The following GIMAP4 variants were observed in gnomAD, a reference collection of about 807,000 sequenced individuals.
The protein encoded by GIMAP4 is GTPase, IMAP family member 4, also known as GTPase IMAP family member 4.
In GIMAP4, 12 loss-of-function variants were observed where a neutral mutation model predicts 10.8. The observed-to-expected ratio is 1.11, with a 90% confidence interval of 0.71 to 1.81. GIMAP4 has a LOEUF of 1.81. GIMAP4 is among the 40% of genes most tolerant of loss of function. The pLI is 0.00. For missense variants in GIMAP4, 412 were observed against 404.6 expected (o/e 1.02, Z -0.16); for synonymous variants, 149 against 147.2 (o/e 1.01, Z -0.09).
intron 2 of GIMAP4, among the ~76,000 whole-genome samples, chr7:150,570,717 C>T (rs1418784088): frequency 6.6e-6 from 1 of 152,088 alleles, no homozygotes; most frequent in African/African-American, 2.4e-5. Flanking sequence ...AGTTAGCAAG[C>T]TCTCAGACAG....
In GIMAP4 at chr7:150,573,152, T is replaced by C; in HGVS notation, c.*92T>C. ...TAGCATAGTCGAGTGCTCTAGTTTC[T>C]GTCTCTCAGGCACTCGTAACTAAGG... On this transcript the variant is annotated 3_prime_UTR_variant, in exon 3 of 3. Transcript: ENST00000255945. The C allele has an allele frequency of 1.3e-6, 1 of 795,008 alleles. No homozygotes were observed. Among genetic ancestry groups the C allele is most frequent in the Non-Finnish European group, 2.0e-6 (1 of 491,028 alleles). 49.2% of individuals were successfully genotyped at this position (795,008 alleles called of 1,614,324 possible). A position where few individuals can be genotyped will look rare whatever the true frequency, so the allele number is the denominator to read the frequency against.
At chr7:150,570,291 C>A (rs1795714311) in intron 2 of GIMAP4, among the ~76,000 whole-genome samples, 1 of 152,058 alleles carries the variant, frequency 6.6e-6, no homozygotes, top group Admixed American at 6.6e-5. Context: ...CTGGTTGTAG[C>A]CTATCTGATT....
In GIMAP4 at chr7:150,569,820, C is replaced by T. The variant is rs1195728927; in HGVS notation, c.-14-68C>T. The T allele has an allele frequency of 5.2e-6, 4 of 767,164 alleles. No homozygotes were observed. The African/African-American group carries it at 6.8e-5, about 13-fold the overall frequency. 47.5% of individuals were successfully genotyped at this position (767,164 alleles called of 1,614,324 possible). On this transcript the variant is annotated intron_variant, in intron 1 of 2. Coordinates refer to ENST00000255945, the MANE Select transcript of GIMAP4 (RefSeq NM_018326.3). ...GCAAAAAGAAAGTTGTTGTTGACTA[C>T]AGGCAGTCAGGGATTCTAGTTGCTT... is the stretch of plus-strand genomic sequence containing the variant.
chr7:150,569,345 T>C (rs754719587), intron 1 of GIMAP4, among the ~76,000 whole-genome samples: 20 of 152,048 alleles, frequency 1.3e-4, no homozygotes, highest in Non-Finnish European at 2.9e-4. Flanking sequence ...GGTGATGGGC[T>C]GATGAGAGAG....
At position 150,572,263 on chromosome 7, in the gene GIMAP4, A is replaced by G. The variant is rs768233490; in HGVS notation, c.193A>G (p.Ile65Val). 2.7e-5 allele frequency: 44 copies of G among 1,614,070 alleles called. No individual in the cohort carries two copies. Among genetic ancestry groups the G allele is most frequent in the Non-Finnish European group, 3.6e-5 (43 of 1,180,028 alleles). ...VFHSGTAAKS[I>V]TKKCEKRSSS... ...TCATTCTGGCACTGCAGCAAAATCCATTACCAAGAAGTGTGAGAAACGCAG... is the reference window on the plus strand; with the variant it reads ...TCATTCTGGCACTGCAGCAAAATCCGTTACCAAGAAGTGTGAGAAACGCAG... The change falls in exon 3 of 3, where the codon ATT becomes GTT. Residue 65 changes from isoleucine to valine, a missense_variant. Physicochemically the swap from Ile to Val is conservative, Grantham distance 29 (BLOSUM62 3). Transcript: ENST00000255945.
In GIMAP4 at chr7:150,572,970, A is replaced by G. The variant is rs1795754712; in HGVS notation, c.900A>G (p.Glu300=). 6.2e-7 allele frequency: 1 copy of G among 1,613,492 alleles called. No individual in the cohort carries two copies. Among genetic ancestry groups the G allele is most frequent in the Non-Finnish European group, 8.5e-7 (1 of 1,179,462 alleles). The stretch of plus-strand genomic sequence containing the variant: ...TAAGGCAGCAAAGGGCAAGAACGGA[A>G]GTGGAGAGTAAGGATGGGATACTTG... The part of the protein sequence containing the change: ...YAVRQQRART[E]VESKDGILEL... Residue 300 remains glutamate (E), a synonymous_variant, in exon 3 of 3, where the codon GAA becomes GAG. Transcript: ENST00000255945.
intron 2 of GIMAP4, 74 bp from the exon 3 acceptor site, chr7:150,572,055 G>T: frequency 1.1e-6 from 1 of 929,430 alleles, no homozygotes; most frequent in African/African-American, 1.6e-5. Context: ...GGCACTGGGG[G>T]TGAGGACTCT....
rs1300064732 is a variant in GIMAP4, at chr7:150,572,908, G to A, written c.838G>A (p.Glu280Lys). 4.3e-6 allele frequency: 7 copies of A among 1,613,974 alleles called. No individual in the cohort carries two copies. The highest frequency in any genetic ancestry group is 5.9e-6 in the Non-Finnish European group (7 of 1,180,006). Residue 280 changes from glutamate to lysine, a missense_variant, in exon 3 of 3, where the codon GAG (glutamate) becomes AAG (lysine). Coordinates refer to ENST00000255945, the MANE Select transcript of GIMAP4 (RefSeq NM_018326.3). ...GCAGGAAAAGAGAAAGAAGCAAATG[G>A]AGAAGAAACTAGCAGAACAGGAGGC... ...VEQEKRKKQM[E>K]KKLAEQEAHY... is the part of the protein sequence containing the mutation.
At chr7:150,572,096 C>A in intron 2 of GIMAP4, 33 bp from the exon 3 acceptor site, 2 of 1,422,514 alleles carry the variant, frequency 1.4e-6, no homozygotes, top group Non-Finnish European at 1.9e-6. Context: ...TAGATTCTAA[C>A]AGCATGGCTT....
rs758739554 is a variant in GIMAP4, at chr7:150,572,313, TGTC to T, written c.246_248del (p.Val84del). 91 of 1,613,972 alleles carry T rather than the reference TGTC, an allele frequency of 5.6e-5. No homozygotes were observed. The highest frequency in any genetic ancestry group is 7.5e-5 in the Non-Finnish European group (89 of 1,179,984). On this transcript the variant is annotated inframe_deletion, in exon 3 of 3. Coordinates refer to ENST00000255945, the MANE Select transcript of GIMAP4 (RefSeq NM_018326.3). ...GCAGCTCATGGAAGGAAACAGAACT[TGTC>T]GTAGTTGACACACCAGGCATTTTCG... is the stretch of plus-strand genomic sequence containing the variant.
intron 1 of GIMAP4, among the ~76,000 whole-genome samples, chr7:150,569,153 G>GA (rs1795698505): frequency 6.6e-6 from 1 of 152,062 alleles, no homozygotes; most frequent in South Asian, 2.1e-4. Context: ...ATTTAAACAA[G>GA]AAAAAATATC....
intron 1 of GIMAP4, among the ~76,000 whole-genome samples, chr7:150,568,770 T>C (rs954745394): frequency 5.9e-5 from 9 of 152,180 alleles, no homozygotes; most frequent in African/African-American, 1.9e-4. Flanking sequence ...AAGCTTGTAG[T>C]ATAAGAGGAG....
chr7:150,569,928 C>A lies in GIMAP4; in HGVS notation c.27C>A (p.Ser9Arg). 1 of 1,597,866 alleles carries A rather than the reference C, an allele frequency of 6.3e-7. No individual in the cohort carries two copies. The highest frequency in any genetic ancestry group is 8.6e-7 in the Non-Finnish European group (1 of 1,166,640). The change falls in exon 2 of 3, where the codon AGC becomes AGA. Residue 9 changes from serine to arginine, a missense_variant. Coordinates refer to ENST00000255945, the MANE Select transcript of GIMAP4 (RefSeq NM_018326.3). ...TGGCAGCCCAATACGGCAGTATGAG[C>A]TTCAACCCCAGCACACCAGGGGCCA... MAAQYGSM[S>R]FNPSTPGASY...
rs1340007624 is a variant in GIMAP4, at chr7:150,572,836, A to G, written c.766A>G (p.Arg256Gly). The G allele has an allele frequency of 5.0e-6, 8 of 1,613,908 alleles. No individual in the cohort carries two copies. In the Admixed American group the frequency reaches 1.3e-4, roughly 27 times the overall value. Residue 256 changes from arginine (R) to glycine (G), a missense_variant, in exon 3 of 3, where the codon AGA becomes GGA. By Grantham distance (125) the Arg-to-Gly change is moderately radical. Transcript: ENST00000255945. ...GCTGGAGAGAGAGAAAGCGCGGATA[A>G]GAGAGGAGTATGAAGAGAAAATCAG... ...VELEREKARI[R>G]EEYEEKIRKL...
intron 2 of GIMAP4, among the ~76,000 whole-genome samples, chr7:150,571,673 T>C (rs1358787980): frequency 2.0e-5 from 3 of 151,928 alleles, no homozygotes; most frequent in African/African-American, 7.3e-5. Flanking sequence ...CTCAGCTACT[T>C]GGGAGGCTGA....
At chr7:150,572,104 C>CT (rs3215316) in intron 2 of GIMAP4, 25 bp from the exon 3 acceptor site, 54,490 of 973,558 alleles carry the variant, frequency 0.056, no homozygotes, top group Non-Finnish European at 0.065. Flanking sequence ...AACAGCATGG[C>CT]TTTTTTTTTT....
intron 2 of GIMAP4, among the ~76,000 whole-genome samples, chr7:150,570,579 G>A (rs562215306): frequency 1.3e-5 from 2 of 152,288 alleles, no homozygotes; most frequent in Admixed American, 1.3e-4. Context: ...TAATTCTGTG[G>A]GTTCACTGGG....
intron 2 of GIMAP4, among the ~76,000 whole-genome samples, chr7:150,570,328 G>A (rs1479367346): frequency 6.6e-6 from 1 of 152,080 alleles, no homozygotes; most frequent in South Asian, 2.1e-4. Flanking sequence ...CTTCAGCCTG[G>A]AGGAGAACTG....
At chr7:150,571,729 C>T (rs1255621938) in intron 2 of GIMAP4, among the ~76,000 whole-genome samples, 5 of 152,092 alleles carry the variant, frequency 3.3e-5, no homozygotes, top group Non-Finnish European at 4.4e-5. Context: ...TGTAGTGAGC[C>T]GAGATCATGC....
Sources: allele counts gnomAD v4.1 joint callset (sites outside exome capture counted in the v4.1 genomes callset), GRCh38; gene constraint gnomAD v4.1.1; transcripts MANE v1.5; gene names NCBI Gene and HGNC (gene_info 2026-07-23, HGNC 2026-07-21).